Variants in KLRG1 observed in about 807,000 individuals in gnomAD.
The protein encoded by KLRG1 is killer cell lectin-like receptor subfamily G member 1.
Under a neutral mutation model 21.8 loss-of-function variants are expected in KLRG1, and 16 were observed. That is an observed-to-expected ratio of 0.73 (90% CI 0.50 to 1.11). The LOEUF is 1.11. KLRG1 is among the 50% of genes most tolerant of loss of function. The pLI is 0.00. For missense variants in KLRG1, 173 were observed against 218.3 expected (o/e 0.79, Z 1.31); for synonymous variants, 69 against 75.9 (o/e 0.91, Z 0.47).
the KLRG1 span, chr12:9,197,270 C>G: frequency 1.8e-6 from 1 of 560,486 alleles, no homozygotes; most frequent in African/African-American, 2.0e-5. Context: ...TGGAAAATGT[C>G]TCCCTCAAAA....
chr12:9,151,837 CATT>C, the KLRG1 span, among the ~76,000 whole-genome samples: 11 of 152,216 alleles, frequency 7.2e-5, no homozygotes, highest in Non-Finnish European at 1.6e-4. Context: ...CCAAGTAACA[CATT>C]AGAGCCTCTG....
At chr12:9,046,447 A>G in the KLRG1 span, among the ~76,000 whole-genome samples, 2 of 152,340 alleles carry the variant, frequency 1.3e-5, no homozygotes, top group South Asian at 4.1e-4. Context: ...ATCTGCACCT[A>G]AGCATGTTAT....
the KLRG1 span, chr12:9,204,023 CATAACA>C: frequency 2.2e-6 from 3 of 1,381,678 alleles, no homozygotes; most frequent in Admixed American, 4.2e-5. Context: ...AATGTGTTTT[CATAACA>C]ATATGTATTA....
chr12:9,158,257 A>G, the KLRG1 span, among the ~76,000 whole-genome samples: 1 of 152,096 alleles, frequency 6.6e-6, no homozygotes, highest in Non-Finnish European at 1.5e-5. Flanking sequence ...ATCTGGCCCA[A>G]TTTCTTCCTT....
chr12:9,039,739 T>G, the KLRG1 span, among the ~76,000 whole-genome samples: 6 of 152,342 alleles, frequency 3.9e-5, no homozygotes, highest in East Asian at 1.2e-3. Context: ...TTCTATTCAA[T>G]CACTAGAGGA....
the KLRG1 span, among the ~76,000 whole-genome samples, chr12:9,048,367 T>C: frequency 6.7e-6 from 1 of 149,438 alleles, no homozygotes; most frequent in South Asian, 2.1e-4. Flanking sequence ...ACCCATTCTA[T>C]GAGAACAACA....
chr12:9,122,793 A>C, the KLRG1 span, among the ~76,000 whole-genome samples: 2 of 152,136 alleles, frequency 1.3e-5, no homozygotes, highest in Non-Finnish European at 2.9e-5. Flanking sequence ...TTTATTTTCA[A>C]AGCAAGTTAT....
intron 1 of KLRG1, among the ~76,000 whole-genome samples, chr12:8,956,352 C>G (rs1055791676): frequency 5.9e-5 from 9 of 152,206 alleles, no homozygotes; most frequent in African/African-American, 1.9e-4. Flanking sequence ...AATGAATGAA[C>G]TGTAACACAA....
chr12:9,122,657 G>A, the KLRG1 span, among the ~76,000 whole-genome samples: 1 of 152,084 alleles, frequency 6.6e-6, no homozygotes, highest in East Asian at 1.9e-4. Flanking sequence ...TAGTTGAACT[G>A]TCGGTCCCTA....
intron 2 of KLRG1, among the ~76,000 whole-genome samples, chr12:8,993,899 CACATGTG>C (rs1304170108): frequency 1.3e-5 from 2 of 152,168 alleles, no homozygotes; most frequent in Non-Finnish European, 2.9e-5. Flanking sequence ...TATATATCTA[CACATGTG>C]CTCATGGAGT....
chr12:9,030,804 T>C, the KLRG1 span, among the ~76,000 whole-genome samples: 60,846 of 152,124 alleles, frequency 0.4, 12,801 homozygotes, highest in African/African-American at 0.54. Flanking sequence ...CCACTACTTC[T>C]ACTCTCCTTG....
At chr12:9,135,565 A>G in the KLRG1 span, 1 of 340,482 alleles carries the variant, frequency 2.9e-6, no homozygotes, top group Non-Finnish European at 5.5e-6. Context: ...CAGCCCTTCC[A>G]AAAACTACAG....
At chr12:9,065,976 C>T in the KLRG1 span, 3 of 152,334 alleles carry the variant, frequency 2.0e-5, no homozygotes, top group Admixed American at 6.5e-5. Flanking sequence ...CCAGGGTCTC[C>T]GTTCTGCTAG....
the KLRG1 span, chr12:9,110,027 T>G: frequency 1.2e-6 from 2 of 1,610,428 alleles, no homozygotes; most frequent in East Asian, 4.5e-5. Context: ...TGCGATTTCC[T>G]TTGGGATCCT....
the KLRG1 span, among the ~76,000 whole-genome samples, chr12:9,164,874 C>T: frequency 2.0e-5 from 3 of 152,148 alleles, no homozygotes; most frequent in East Asian, 5.8e-4. Context: ...TGGCATATAA[C>T]CTAACTTGCA....
the KLRG1 span, among the ~76,000 whole-genome samples, chr12:9,145,825 G>A: frequency 6.6e-6 from 1 of 152,164 alleles, no homozygotes; most frequent in Non-Finnish European, 1.5e-5. Flanking sequence ...AGTATTCTTG[G>A]TTAGCAGGTT....
the KLRG1 span, among the ~76,000 whole-genome samples, chr12:9,146,515 A>C: frequency 2.0e-5 from 3 of 151,996 alleles, no homozygotes. Flanking sequence ...TAATTTCTAG[A>C]ATGTATTTTG....
chr12:9,192,215 A>G, the KLRG1 span: 2 of 1,614,000 alleles, frequency 1.2e-6, no homozygotes, highest in South Asian at 1.1e-5. Flanking sequence ...CCACAGGCAG[A>G]GTGTGGGTTC....
the KLRG1 span, chr12:9,066,949 C>G: frequency 1.6e-4 from 25 of 152,304 alleles, no homozygotes; most frequent in African/African-American, 5.3e-4. Flanking sequence ...TTTGCTTCCC[C>G]TTCTATAGAA....
Sources: gnomAD v4.1 joint callset for allele counts (sites outside exome capture counted in the v4.1 genomes callset) on GRCh38, gnomAD v4.1.1 for gene constraint, MANE v1.5 for transcripts, NCBI Gene and HGNC (gene_info 2026-07-23, HGNC 2026-07-21) for gene names.